SLC28A3: variants seen among roughly 807,000 people sequenced by gnomAD.
SLC28A3 encodes solute carrier family 28 member 3.
Under a neutral mutation model 84.2 loss-of-function variants are expected in SLC28A3, and 68 were observed. That is an observed-to-expected ratio of 0.81 (90% confidence interval 0.66 to 0.99). The LOEUF (loss-of-function observed/expected upper bound fraction) is 0.99, where lower values mean the gene tolerates loss of function less well. SLC28A3 is among the 50% of genes least tolerant of loss of function. The pLI is 0.00. For synonymous variants in SLC28A3, 267 were observed against 303.6 expected (o/e 0.88, Z 1.25); for missense variants, 712 against 841.5 (o/e 0.85, Z 1.90).
In SLC28A3 at chr9:84,316,364, G is replaced by A. The variant is rs117177103; in HGVS notation, c.61-2910C>T. 9.2e-3 allele frequency among the ~76,000 whole-genome samples: 1,406 copies of A among 152,316 alleles called. 15 individuals are homozygous for A. Among genetic ancestry groups the A allele is most frequent in the Non-Finnish European group, 0.013 (871 of 68,026 alleles). On this transcript the variant is annotated intron_variant, in intron 1 of 17. Transcript: ENST00000376238. ...TCCCTTGCAACTAAGTTCTGGCAAC[G>A]AAATGAAAGTAGAAAGGGTGCCCTG...
the SLC28A3 span, among the ~76,000 whole-genome samples, chr9:84,347,204 TAAAAAAAAAA>T: frequency 3.2e-5 from 2 of 62,426 alleles, no homozygotes; most frequent in Admixed American, 1.9e-4. Flanking sequence ...AGACTCTGTC[TAAAAAAAAAA>T]AAAAAAAAAA....
intron 1 of SLC28A3, among the ~76,000 whole-genome samples, chr9:84,313,990 C>A (rs11140511): frequency 0.33 from 50,380 of 151,818 alleles, 8,848 homozygotes; most frequent in African/African-American, 0.45. Flanking sequence ...GCCCTCATCT[C>A]GGCCTGATAA....
intron 10 of SLC28A3, 48 bp from the exon 11 acceptor site, chr9:84,290,327 G>T: frequency 6.3e-7 from 1 of 1,599,110 alleles, no homozygotes; most frequent in Non-Finnish European, 8.5e-7. Context: ...TCTGTGTGGG[G>T]GCAGGGGAAG....
At chr9:84,348,628 T>A in the SLC28A3 span, among the ~76,000 whole-genome samples, 10 of 152,240 alleles carry the variant, frequency 6.6e-5, no homozygotes, top group Non-Finnish European at 1.5e-4. Context: ...AGAATCTTTA[T>A]CACTGATGTG....
At chr9:84,329,172 G>C (rs1284437808) in intron 1 of SLC28A3, among the ~76,000 whole-genome samples, 19 of 152,150 alleles carry the variant, frequency 1.2e-4, no homozygotes, top group Non-Finnish European at 2.2e-4. Context: ...ATTTATCAAA[G>C]AGCTATTGTT....
At chr9:84,309,523 CAAAA>C (rs71366931) in intron 3 of SLC28A3, 102 bp downstream of exon 3, 7,952 of 236,238 alleles carry the variant, frequency 0.034, 1 homozygote, top group East Asian at 0.091. Context: ...ACTCTTATCT[CAAAA>C]AAAAAAAAAA....
In SLC28A3 at chr9:84,278,187, C is replaced by T; in HGVS notation, c.*31G>A. On this transcript the variant is annotated 3_prime_UTR_variant, in exon 18 of 18. Coordinates refer to ENST00000376238, the MANE Select transcript of SLC28A3 (RefSeq NM_001199633.2). ...CAAAGCAGAAAATTCAGCATCTGTA[C>T]TTCAGAGTTCCACTGGAGAAGTGGC... is the stretch of plus-strand genomic sequence containing the variant. The T allele has an allele frequency of 6.2e-7, 1 of 1,605,986 alleles. No homozygotes were observed. The highest frequency in any genetic ancestry group is 2.2e-5 in the East Asian group (1 of 44,714).
rs1564156204 is a variant in SLC28A3, at chr9:84,299,586, T to G, written c.664A>C (p.Thr222Pro). ...VLLFLFSKYP[T>P]RVYWRPVLWG... ...AAGATCAACTGGATACTTACTCTGGTTGGGTACTTGGAAAATAGAAATAAC... is the reference window on the plus strand; with the variant it reads ...AAGATCAACTGGATACTTACTCTGGGTGGGTACTTGGAAAATAGAAATAAC... The change falls in exon 6 of 18, where the codon ACC becomes CCC. Residue 222 changes from threonine (T) to proline (P), a missense_variant. Coordinates refer to ENST00000376238, the MANE Select transcript of SLC28A3 (RefSeq NM_001199633.2). 4.0e-5 allele frequency: 65 copies of G among 1,613,682 alleles called. No individual in the cohort carries two copies. The highest frequency in any genetic ancestry group is 5.3e-5 in the Non-Finnish European group (63 of 1,179,880).
chr9:84,305,202 G>GAA lies in SLC28A3; in HGVS notation c.334+50_334+51dup, dbSNP rs35729465. ...AAAGTTAATATTTGGGGGAATCCCT[G>GAA]AAAAAAAAAAAAAAAAAGACAGTGG... On this transcript the variant is annotated intron_variant, in intron 4 of 17. Coordinates refer to ENST00000376238, the MANE Select transcript of SLC28A3 (RefSeq NM_001199633.2). 4,465 of 1,160,608 alleles carry GAA rather than the reference G, an allele frequency of 3.8e-3. 4 individuals carry two copies. The highest frequency in any genetic ancestry group is 0.018 in the African/African-American group (1,008 of 56,654). The allele number at this position is 1,160,608 out of a possible 1,614,324, so 71.9% of individuals were successfully genotyped here.
chr9:84,341,463 TA>T (rs1235944178), upstream of SLC28A3, among the ~76,000 whole-genome samples: 1 of 152,120 alleles, frequency 6.6e-6, no homozygotes, highest in African/African-American at 2.4e-5. Flanking sequence ...GGTAGGTAGG[TA>T]AGGGTCTTGG....
In SLC28A3 at chr9:84,337,447, C is replaced by T. The variant is rs186442643; in HGVS notation, c.60+3127G>A. On this transcript the variant is annotated intron_variant, in intron 1 of 17. Transcript: ENST00000376238. Reference sequence around the variant, plus strand: ...GGATGCTAGCCTGTGTGTGTGCGCGCGCGTGTGTGTATGCGTATGTGGGTG... The same window carrying T: ...GGATGCTAGCCTGTGTGTGTGCGCGTGCGTGTGTGTATGCGTATGTGGGTG... Among the ~76,000 whole-genome samples the T allele has an allele frequency of 4.2e-3, 606 of 144,636 alleles. 2 individuals are homozygous for T. The highest frequency in any genetic ancestry group is 7.3e-3 in the Non-Finnish European group (486 of 66,522). The allele number at this position is 144,636 out of a possible 152,430, so 94.9% of individuals were successfully genotyped here. A position where few individuals can be genotyped will look rare whatever the true frequency, so the allele number is the denominator to read the frequency against.
intron 1 of SLC28A3, among the ~76,000 whole-genome samples, chr9:84,329,906 A>G (rs767292785): frequency 6.6e-6 from 1 of 151,602 alleles, no homozygotes; most frequent in African/African-American, 2.4e-5. Flanking sequence ...AAATATACGA[A>G]AATTTATGAA....
At chr9:84,292,165 T>G (rs1825250557) in intron 10 of SLC28A3, among the ~76,000 whole-genome samples, 2 of 152,220 alleles carry the variant, frequency 1.3e-5, no homozygotes, top group African/African-American at 2.4e-5. Flanking sequence ...AAGGCTTTCT[T>G]GGTCTCCTCC....
chr9:84,302,142 G>T, intron 5 of SLC28A3, 58 bp downstream of exon 5: 1 of 1,523,340 alleles, frequency 6.6e-7, no homozygotes. Flanking sequence ...TTTTTGAAAC[G>T]GTGTTGGAAA....
chr9:84,297,869 A>G (rs1825475441), intron 7 of SLC28A3, 37 bp downstream of exon 7: 1 of 1,535,040 alleles, frequency 6.5e-7, no homozygotes, highest in Admixed American at 2.1e-5. Flanking sequence ...TGTTAAAAGC[A>G]CCATAAAAGC....
intron 1 of SLC28A3, among the ~76,000 whole-genome samples, chr9:84,329,336 C>A (rs1189472399): frequency 6.6e-6 from 1 of 152,108 alleles, no homozygotes; most frequent in Non-Finnish European, 1.5e-5. Context: ...TAAGAAAATA[C>A]AAGAATTGAA....
chr9:84,318,251 C>T (rs1826239884), intron 1 of SLC28A3, among the ~76,000 whole-genome samples: 1 of 152,024 alleles, frequency 6.6e-6, no homozygotes, highest in Non-Finnish European at 1.5e-5. Context: ...TAAGGAGCAG[C>T]AGTACCTGTG....
intron 1 of SLC28A3, among the ~76,000 whole-genome samples, chr9:84,334,829 T>G (rs1826913576): frequency 1.3e-5 from 2 of 152,108 alleles, no homozygotes; most frequent in Admixed American, 1.3e-4. Context: ...ACCTCCTAGC[T>G]GGCAAGTCAA....
intron 1 of SLC28A3, among the ~76,000 whole-genome samples, chr9:84,327,549 G>C (rs1203238035): frequency 6.6e-6 from 1 of 151,938 alleles, no homozygotes; most frequent in Non-Finnish European, 1.5e-5. Context: ...TTTTGAAGGG[G>C]GTAAAATGAG....
Sources: gnomAD v4.1 joint callset for allele counts (sites outside exome capture counted in the v4.1 genomes callset) on GRCh38, gnomAD v4.1.1 for gene constraint, MANE v1.5 for transcripts, NCBI Gene and HGNC (gene_info 2026-07-23, HGNC 2026-07-21) for gene names.